SYN2: variants seen among roughly 807,000 people sequenced by gnomAD.
The protein encoded by SYN2 is synapsin-2.
Under a neutral mutation model 50.9 loss-of-function variants are expected in SYN2, and 19 were observed. That is an observed-to-expected ratio of 0.37 (90% CI 0.26 to 0.55). SYN2 has a LOEUF of 0.55. Ranked by LOEUF, SYN2 falls within the 20% of genes least tolerant of loss-of-function variation. SYN2 has a pLI of 0.81. For synonymous variants in SYN2, 255 were observed against 224.9 expected (o/e 1.13, Z -1.20); for missense variants, 587 against 576.4 (o/e 1.02, Z -0.19).
At chr3:12,128,324 A>G (rs1249715959) in intron 1 of SYN2, among the ~76,000 whole-genome samples, 4 of 152,226 alleles carry the variant, frequency 2.6e-5, no homozygotes, top group Admixed American at 1.3e-4. Flanking sequence ...ACATCCTGTT[A>G]TATCACTTAG....
intron 1 of SYN2, among the ~76,000 whole-genome samples, chr3:12,104,889 A>G (rs1308527815): frequency 6.6e-6 from 1 of 152,134 alleles, no homozygotes; most frequent in South Asian, 2.1e-4. Flanking sequence ...ATTTTTCAAA[A>G]CAAAATAACA....
At chr3:12,043,351 C>T (rs574554280) in intron 1 of SYN2, among the ~76,000 whole-genome samples, 134 of 152,198 alleles carry the variant, frequency 8.8e-4, no homozygotes, top group Non-Finnish European at 1.3e-3. Flanking sequence ...CTCCTAATTT[C>T]ACTTTTTTAA....
At chr3:12,118,565 C>T (rs1290050749) in intron 1 of SYN2, among the ~76,000 whole-genome samples, 3 of 152,180 alleles carry the variant, frequency 2.0e-5, no homozygotes, top group Non-Finnish European at 4.4e-5. Context: ...AATAACTTTT[C>T]TTCTTTTTCT....
chr3:12,039,216 A>G (rs1241097626), intron 1 of SYN2, among the ~76,000 whole-genome samples: 1 of 152,198 alleles, frequency 6.6e-6, no homozygotes, highest in Non-Finnish European at 1.5e-5. Flanking sequence ...TAATGTTCAT[A>G]TGTTGAACCA....
rs570569329 is a variant in SYN2, at chr3:12,148,140, GTTTTC to G, written c.684+2311_684+2315del. On this transcript the variant is annotated intron_variant, in intron 4 of 12. Coordinates refer to ENST00000621198, the MANE Select transcript of SYN2 (RefSeq NM_133625.6). The stretch of plus-strand genomic sequence containing the variant: ...AAAAAAAAAAAGAAATGTGTTCCCT[GTTTTC>G]TTTTCCTAAACTGTGCCAGAGGCCA... Among the ~76,000 whole-genome samples, 542 of 152,136 alleles carry G rather than the reference GTTTTC, an allele frequency of 3.6e-3. 2 individuals carry two copies. The highest frequency in any genetic ancestry group is 0.012 in the African/African-American group (513 of 41,538).
chr3:12,023,604 A>G (rs2125137031), intron 1 of SYN2, among the ~76,000 whole-genome samples: 1 of 152,362 alleles, frequency 6.6e-6, no homozygotes, highest in Non-Finnish European at 1.5e-5. Flanking sequence ...TTTGAATAGT[A>G]GGATGGAATC....
chr3:12,043,158 G>C (rs148011387), intron 1 of SYN2, among the ~76,000 whole-genome samples: 1 of 151,982 alleles, frequency 6.6e-6, no homozygotes, highest in Admixed American at 6.6e-5. Flanking sequence ...AAGTAGGTGG[G>C]ACTACTAGTG....
intron 10 of SYN2, among the ~76,000 whole-genome samples, chr3:12,178,856 G>C (rs1698151920): frequency 6.6e-6 from 1 of 152,232 alleles, no homozygotes; most frequent in African/African-American, 2.4e-5. Context: ...TATCAGCAAA[G>C]AGAAGGCAAC....
intron 1 of SYN2, among the ~76,000 whole-genome samples, chr3:12,055,159 A>T (rs1694959134): frequency 6.6e-6 from 1 of 152,136 alleles, no homozygotes; most frequent in Non-Finnish European, 1.5e-5. Context: ...GAACACATCA[A>T]CACATTTCAA....
At chr3:12,059,282 G>A (rs1478835303) in intron 1 of SYN2, among the ~76,000 whole-genome samples, 1 of 152,154 alleles carries the variant, frequency 6.6e-6, no homozygotes, top group Admixed American at 6.5e-5. Flanking sequence ...ATACATAGAG[G>A]TTACACATTG....
At chr3:12,081,635 A>G (rs1695588891) in intron 1 of SYN2, among the ~76,000 whole-genome samples, 1 of 152,214 alleles carries the variant, frequency 6.6e-6, no homozygotes, top group African/African-American at 2.4e-5. Context: ...ATGATTTCTA[A>G]CAGTGCTTGA....
chr3:12,174,336 C>A (rs182500680), intron 10 of SYN2, among the ~76,000 whole-genome samples: 3 of 152,080 alleles, frequency 2.0e-5, no homozygotes, highest in African/African-American at 7.2e-5. Context: ...TCCTGTCCCC[C>A]CAACATTGTT....
Position 12,169,769 on chromosome 3 carries a change from A to T in SYN2, c.1171A>T (p.Ser391Cys), listed in dbSNP as rs369362222. ...KDYIFEVMDCSMPLIGEHQVE... is the reference protein window; with the variant it reads ...KDYIFEVMDCCMPLIGEHQVE... ...CATCTCCCACCAGGTCATGGACTGT[A>T]GCATGCCACTGATTGGGGAACATCA... Residue 391 changes from serine to cysteine, a missense_variant, in exon 10 of 13, where the codon AGC becomes TGC. Transcript: ENST00000621198. 6.2e-7 allele frequency: 1 copy of T among 1,613,810 alleles called. No homozygotes were observed. The highest frequency in any genetic ancestry group is 1.3e-5 in the African/African-American group (1 of 74,910).
rs556237926 is a variant in SYN2, at chr3:12,020,796, C to T, written c.377+15868C>T. ...TATTCAGTAGGAATTGGTGCTGTAA[C>T]GCGAGCACAAGAAACATTGCCCTGT... is the stretch of plus-strand genomic sequence containing the variant. On this transcript the variant is annotated intron_variant, in intron 1 of 12. Transcript: ENST00000621198. 3.9e-5 allele frequency among the ~76,000 whole-genome samples: 6 copies of T among 152,222 alleles called. No individual in the cohort carries two copies. The South Asian group carries it at 1.0e-3, about 26-fold the overall frequency.
chr3:12,050,476 G>C (rs2125154414), intron 1 of SYN2, among the ~76,000 whole-genome samples: 1 of 151,360 alleles, frequency 6.6e-6, no homozygotes, highest in South Asian at 2.1e-4. Context: ...CTCCCAAGTA[G>C]CTGGGACTAT....
intron 5 of SYN2, chr3:12,153,335 G>T: frequency 1.5e-6 from 1 of 676,816 alleles, no homozygotes; most frequent in Non-Finnish European, 2.6e-6. Flanking sequence ...GCAACAGGCT[G>T]AGGGCAGGGC....
intron 1 of SYN2, among the ~76,000 whole-genome samples, chr3:12,054,728 T>G (rs981021665): frequency 6.6e-5 from 10 of 151,576 alleles, no homozygotes; most frequent in African/African-American, 2.4e-4. Flanking sequence ...TGGATCCCAC[T>G]TTTTCTTTTT....
At chr3:12,058,685 C>T (rs1695051376) in intron 1 of SYN2, among the ~76,000 whole-genome samples, 1 of 152,108 alleles carries the variant, frequency 6.6e-6, no homozygotes, top group Admixed American at 6.5e-5. Flanking sequence ...AGAGAAAAAC[C>T]CAGAAAGGGA....
intron 1 of SYN2, among the ~76,000 whole-genome samples, chr3:12,055,411 AAATG>A (rs1450478950): frequency 2.0e-5 from 3 of 152,206 alleles, no homozygotes; most frequent in Admixed American, 6.5e-5. Context: ...AAAGCTTTAA[AAATG>A]AATGAGCTCC....
Sources: gnomAD v4.1 joint callset for allele counts (sites outside exome capture counted in the v4.1 genomes callset) on GRCh38, gnomAD v4.1.1 for gene constraint, MANE v1.5 for transcripts, NCBI Gene and HGNC (gene_info 2026-07-23, HGNC 2026-07-21) for gene names.